Variants in PRDM4 observed in about 807,000 individuals in gnomAD.
PRDM4 encodes the protein PR/SET domain 4.
Under a neutral mutation model 62.3 loss-of-function variants are expected in PRDM4, and 38 were observed. The observed-to-expected ratio is 0.61, with a 90% CI of 0.47 to 0.80. PRDM4 has a LOEUF of 0.80. PRDM4 is among the 30% of genes least tolerant of loss of function. The pLI, the probability that PRDM4 is intolerant of heterozygous loss-of-function variation, is 0.00. For missense variants in PRDM4, 858 were observed against 997.1 expected, an observed-to-expected ratio of 0.86 and a Z score of 1.88; for synonymous variants, 339 against 348.2, an observed-to-expected ratio of 0.97 and a Z score of 0.30.
At chr12:107,760,327 G>A (rs1468975454) in intron 2 of PRDM4, among the ~76,000 whole-genome samples, 178 bp downstream of exon 2, 1 of 152,232 alleles carries the variant, frequency 6.6e-6, no homozygotes, top group Non-Finnish European at 1.5e-5. Flanking sequence ...CACATGTGGA[G>A]TAAATTAGGA....
At position 107,739,470 on chromosome 12, in the gene PRDM4, G is replaced by C; in HGVS notation, c.2006C>G (p.Thr669Ser). The C allele has an allele frequency of 6.2e-7, 1 of 1,613,970 alleles. No homozygotes were observed. Among genetic ancestry groups the C allele is most frequent in the Non-Finnish European group, 8.5e-7 (1 of 1,179,864 alleles). Residue 669 changes from threonine (T) to serine (S), a missense_variant, in exon 11 of 12, where the codon ACT becomes AGT. Thr to Ser is a moderately conservative substitution (Grantham distance 58). Transcript: ENST00000228437. ...AHLESHMVIHTGEKNLKCDYC... is the reference protein window; with the variant it reads ...AHLESHMVIHSGEKNLKCDYC... ...ATCACACTTAAGATTCTTCTCCCCA[G>C]TGTGGATAACCATGTGGGACTCCAG...
Position 107,751,428 on chromosome 12 carries a change from G to C in PRDM4, c.1113C>G (p.Thr371=). 1 of 1,602,992 alleles carries C rather than the reference G, an allele frequency of 6.2e-7. No homozygotes were observed. The highest frequency in any genetic ancestry group is 8.5e-7 in the Non-Finnish European group (1 of 1,170,614). ...AAACACACTCACAAATTGTAAACAA[G>C]GTTGCCATGTTCTCCTTGTTTGAAT... ...DSNSNKENMA[T]LFTIWCTLCD... The change falls in exon 5 of 12, where the codon ACC becomes ACG. Residue 371 remains threonine, a synonymous_variant. Coordinates refer to ENST00000228437, the MANE Select transcript of PRDM4 (RefSeq NM_012406.4).
In PRDM4 at chr12:107,734,264, A is replaced by G. The variant is rs1261278735; in HGVS notation, c.2352T>C (p.Cys784=). Residue 784 remains cysteine (C), a synonymous_variant, in exon 12 of 12, where the codon TGT becomes TGC. Coordinates refer to ENST00000228437, the MANE Select transcript of PRDM4 (RefSeq NM_012406.4). ...DLADSVGTED[C]RINSAVYSAD... is the part of the protein sequence containing the mutation. ...CTGAATACACAGCACTGTTAATCCT[A>G]CAGTCTTCTGTCCCCACAGAGTCTG... The G allele has an allele frequency of 1.2e-6, 2 of 1,614,154 alleles. No homozygotes were observed. Among genetic ancestry groups the G allele is most frequent in the Non-Finnish European group, 1.7e-6 (2 of 1,180,006 alleles).
chr12:107,756,184 C>T (rs1012880726), intron 3 of PRDM4, among the ~76,000 whole-genome samples: 1 of 151,566 alleles, frequency 6.6e-6, no homozygotes, highest in African/African-American at 2.4e-5. Context: ...CACTTGAACC[C>T]GGGAGGCGGA....
Position 107,742,250 on chromosome 12 carries a change from T to TA in PRDM4, c.1579dup (p.Tyr527LeufsTer3). On this transcript the variant is annotated frameshift_variant, in exon 9 of 12. Coordinates refer to ENST00000228437, the MANE Select transcript of PRDM4 (RefSeq NM_012406.4). LOFTEE classifies it high-confidence loss of function. ...CTGTTGAGCATAATCTCGGCTATAA[T>TA]AAAAAAGCAGTTCATTTTCAGGAGG... 1.2e-6 allele frequency: 2 copies of TA among 1,613,488 alleles called. No homozygotes were observed. The highest frequency in any genetic ancestry group is 1.7e-6 in the Non-Finnish European group (2 of 1,179,590).
In PRDM4 at chr12:107,742,338, C is replaced by T. The variant is rs1270449995; in HGVS notation, c.1492G>A (p.Glu498Lys). The change falls in exon 9 of 12, where the codon GAG becomes AAG. Residue 498 changes from glutamate to lysine, a missense_variant. Around this residue, in one of 3 missense-constraint regions of PRDM4, gnomAD observed 355 missense variants for 432.6 expected, o/e 0.82. Coordinates refer to ENST00000228437, the MANE Select transcript of PRDM4 (RefSeq NM_012406.4). ...TGAGGATAAGCCACCAAATTCTGCT[C>T]TTCCCGGTTCCTGAGTTATCACATT... is the stretch of plus-strand genomic sequence containing the variant. Reference protein sequence around the residue: ...MFVRKARNREEQNLVAYPHDG... With the variant: ...MFVRKARNREKQNLVAYPHDG... The T allele has an allele frequency of 6.2e-7, 1 of 1,613,576 alleles. No individual in the cohort carries two copies. The highest frequency in any genetic ancestry group is 8.5e-7 in the Non-Finnish European group (1 of 1,179,822).
Position 107,760,567 on chromosome 12 carries a change from G to A in PRDM4, c.-52C>T. ...GGAGCGCTCGGGTGGTGGGGAACAG[G>A]CATCAGGGTTTGCGTTCCAGGGTCA... On this transcript the variant is annotated 5_prime_UTR_variant, in exon 2 of 12. Transcript: ENST00000228437. The A allele has an allele frequency of 1.2e-6, 2 of 1,608,800 alleles. No homozygotes were observed. Among genetic ancestry groups the A allele is most frequent in the Non-Finnish European group, 8.5e-7 (1 of 1,177,294 alleles).
At chr12:107,734,595 A>G in intron 11 of PRDM4, 73 bp from the exon 12 acceptor site, 1 of 1,416,860 alleles carries the variant, frequency 7.1e-7, no homozygotes, top group Non-Finnish European at 9.7e-7. Flanking sequence ...TATTCTTCAT[A>G]GCCGCAGGCC....
chr12:107,735,661 G>A (rs971175572), intron 11 of PRDM4, among the ~76,000 whole-genome samples: 22 of 151,630 alleles, frequency 1.5e-4, no homozygotes, highest in Admixed American at 5.3e-4. Context: ...AAATTAACCC[G>A]GTCAAAATGT....
chr12:107,742,523 G>T, intron 8 of PRDM4, 175 bp from the exon 9 acceptor site: 1 of 676,342 alleles, frequency 1.5e-6, no homozygotes, highest in Non-Finnish European at 2.4e-6. Flanking sequence ...TAGAGAAACA[G>T]AATTCTTACT....
intron 5 of PRDM4, among the ~76,000 whole-genome samples, chr12:107,746,834 A>G (rs576448823): frequency 6.6e-6 from 1 of 152,290 alleles, no homozygotes; most frequent in South Asian, 2.1e-4. Flanking sequence ...AGTAAGAAGC[A>G]CGGTTCTAAT....
At position 107,754,221 on chromosome 12, in the gene PRDM4, AC is replaced by A. The variant is rs1890992614; in HGVS notation, c.146-113del. ...GTTTTTACACATGGGCAAAAATCTC[AC>A]CTACTAGCCCTTTTCATCCTTAGAT... On this transcript the variant is annotated intron_variant, in intron 3 of 11. Transcript: ENST00000228437. 2.6e-6 allele frequency: 2 copies of A among 755,528 alleles called. 1 individual carries two copies. The highest frequency in any genetic ancestry group is 4.2e-5 in the South Asian group (2 of 48,162). 46.8% of individuals were successfully genotyped at this position (755,528 alleles called of 1,614,324 possible).
chr12:107,734,737 A>G (rs889779855), intron 11 of PRDM4, among the ~76,000 whole-genome samples: 10 of 152,182 alleles, frequency 6.6e-5, no homozygotes, highest in Non-Finnish European at 1.2e-4. Flanking sequence ...TAAATTCTCA[A>G]ATTCTATGTA....
chr12:107,740,717 T>A (rs1405425375), intron 10 of PRDM4, among the ~76,000 whole-genome samples: 1 of 152,082 alleles, frequency 6.6e-6, no homozygotes, highest in Non-Finnish European at 1.5e-5. Context: ...AACTTCCTGA[T>A]TATTAAGTGC....
In PRDM4 at chr12:107,751,311, T is replaced by C. The variant is rs545296496; in HGVS notation, c.1126+104A>G. 4.9e-5 allele frequency: 59 copies of C among 1,197,576 alleles called. No homozygotes were observed. In the African/African-American group the frequency reaches 7.7e-4, roughly 16 times the overall value. The allele number at this position is 1,197,576 out of a possible 1,614,324, so 74.2% of individuals were successfully genotyped here. A position where few individuals can be genotyped will look rare whatever the true frequency, so the allele number is the denominator to read the frequency against. On this transcript the variant is annotated intron_variant, in intron 5 of 11. Coordinates refer to ENST00000228437, the MANE Select transcript of PRDM4 (RefSeq NM_012406.4). ...GGCAAAGAAAAGTTCCAAGGTCTAGTTGCTTTCTATACTCCCTTAATGCCA... is the reference window on the plus strand; with the variant it reads ...GGCAAAGAAAAGTTCCAAGGTCTAGCTGCTTTCTATACTCCCTTAATGCCA...
At chr12:107,749,031 C>G in intron 5 of PRDM4, among the ~76,000 whole-genome samples, 1 of 152,140 alleles carries the variant, frequency 6.6e-6, no homozygotes, top group Non-Finnish European at 1.5e-5. Context: ...GATTTTGTGG[C>G]ACAGAATGGT....
intron 2 of PRDM4, 51 bp downstream of exon 2, chr12:107,760,454 G>C (rs554401517): frequency 1.6e-5 from 26 of 1,609,620 alleles, no homozygotes; most frequent in African/African-American, 2.7e-5. Flanking sequence ...ACACTCACTC[G>C]CCAGAGTTTC....
chr12:107,738,895 A>T (rs1175888531), intron 11 of PRDM4, among the ~76,000 whole-genome samples: 2 of 151,480 alleles, frequency 1.3e-5, no homozygotes, highest in Non-Finnish European at 2.9e-5. Context: ...ACACACACAC[A>T]CACACACACA....
chr12:107,756,890 G>A lies in PRDM4; in HGVS notation c.87C>T (p.Val29=). 1 of 1,614,170 alleles carries A rather than the reference G, an allele frequency of 6.2e-7. No homozygotes were observed. Among genetic ancestry groups the A allele is most frequent in the Non-Finnish European group, 8.5e-7 (1 of 1,180,034 alleles). ...CAGCCAATCCCAGGTGACTTCCTGA[G>A]ACTGGCAAGGCATTGCTCACAGAGG... is the stretch of plus-strand genomic sequence containing the variant. The part of the protein sequence containing the change: ...TSSSVSNALP[V]SGSHLGLAAS... Residue 29 remains valine, a synonymous_variant, in exon 3 of 12, where the codon GTC becomes GTT. Coordinates refer to ENST00000228437, the MANE Select transcript of PRDM4 (RefSeq NM_012406.4).
Sources: gnomAD v4.1 joint callset for allele counts (sites outside exome capture counted in the v4.1 genomes callset) on GRCh38, gnomAD v4.1.1 for gene constraint, gnomAD v4.1.1 regional missense constraint, MANE v1.5 for transcripts, NCBI Gene and HGNC (gene_info 2026-07-23, HGNC 2026-07-21) for gene names.